Variants in ADGRL3 observed in about 807,000 individuals in gnomAD.
ADGRL3 encodes the protein adhesion G protein-coupled receptor L3.
Under a neutral mutation model 153.5 loss-of-function variants are expected in ADGRL3, and 62 were observed. The ratio of observed to expected loss-of-function variants is 0.40; its 90% CI spans 0.33 to 0.50. ADGRL3 has a LOEUF of 0.50. ADGRL3 is among the 20% of genes least tolerant of loss of function. The pLI is 0.47. For synonymous variants in ADGRL3, 710 were observed against 672.5 expected (o/e 1.06, Z -0.86); for missense variants, 1,641 against 1,859.4 (o/e 0.88, Z 2.16).
At chr4:61,843,540 T>C (rs569630725) in intron 9 of ADGRL3, among the ~76,000 whole-genome samples, 1 of 152,214 alleles carries the variant, frequency 6.6e-6, no homozygotes, top group African/African-American at 2.4e-5. Flanking sequence ...CAAAGTAGAC[T>C]CTATGAAGGC....
At chr4:61,822,826 G>T (rs1025086912) in intron 9 of ADGRL3, among the ~76,000 whole-genome samples, 4 of 152,076 alleles carry the variant, frequency 2.6e-5, no homozygotes, top group African/African-American at 9.7e-5. Context: ...TTCCATGCTG[G>T]CTGATGGAAT....
intron 9 of ADGRL3, among the ~76,000 whole-genome samples, chr4:61,840,247 T>C (rs971623551): frequency 6.6e-6 from 1 of 152,084 alleles, no homozygotes; most frequent in African/African-American, 2.4e-5. Context: ...GTCCGGCTAA[T>C]TTTTGTATTT....
chr4:61,772,607 C>T (rs183712839), intron 8 of ADGRL3, among the ~76,000 whole-genome samples: 1 of 152,052 alleles, frequency 6.6e-6, no homozygotes, highest in African/African-American at 2.4e-5. Context: ...TGTGATAGGG[C>T]AAAGTATGGG....
In ADGRL3 at chr4:62,076,564, T is replaced by C. The variant is rs1747202410; in HGVS notation, c.*5656T>C. The C allele has an allele frequency of 6.6e-6, 1 of 152,052 alleles. No homozygotes were observed. Among genetic ancestry groups the C allele is most frequent in the Non-Finnish European group, 1.5e-5 (1 of 67,926 alleles). 9.4% of individuals were successfully genotyped at this position (152,052 alleles called of 1,614,324 possible). Reference sequence around the variant, plus strand: ...CAGGAAAGAATAATGAAGTCATTTGTAGTGATAAAAATCTTATACACTACA... The same window carrying C: ...CAGGAAAGAATAATGAAGTCATTTGCAGTGATAAAAATCTTATACACTACA... On this transcript the variant is annotated 3_prime_UTR_variant, in exon 27 of 27. Transcript: ENST00000683033.
chr4:61,682,583 T>G (rs2095360446), intron 6 of ADGRL3, among the ~76,000 whole-genome samples: 1 of 113,446 alleles, frequency 8.8e-6, no homozygotes, highest in African/African-American at 3.7e-5. Context: ...TTTTTTTTTG[T>G]AGACCTAGGG....
intron 2 of ADGRL3, among the ~76,000 whole-genome samples, chr4:61,393,355 A>G (rs528837345): frequency 1.8e-4 from 27 of 152,292 alleles, no homozygotes; most frequent in African/African-American, 5.8e-4. Context: ...CCACTAAGTA[A>G]TCCAGAAGCT....
intron 19 of ADGRL3, among the ~76,000 whole-genome samples, chr4:61,994,695 T>C (rs2099115696): frequency 1.3e-5 from 2 of 152,116 alleles, no homozygotes; most frequent in South Asian, 4.1e-4. Flanking sequence ...TGTTCACTTC[T>C]AGTGCTCTCT....
At chr4:61,323,954 T>C (rs191332129) in intron 1 of ADGRL3, among the ~76,000 whole-genome samples, 2 of 152,312 alleles carry the variant, frequency 1.3e-5, no homozygotes, top group African/African-American at 4.8e-5. Context: ...AAGAGGTTTA[T>C]TGGACTTACA....
chr4:61,849,549 G>A (rs1489689864), intron 9 of ADGRL3, among the ~76,000 whole-genome samples: 7 of 152,014 alleles, frequency 4.6e-5, no homozygotes, highest in Non-Finnish European at 8.8e-5. Context: ...CCAAGCAGGC[G>A]TATCTTGACT....
chr4:61,903,302 G>T (rs1303987782), intron 11 of ADGRL3, among the ~76,000 whole-genome samples: 1 of 151,818 alleles, frequency 6.6e-6, no homozygotes, highest in East Asian at 1.9e-4. Context: ...ACTTCTTCTT[G>T]CCCTCCCTCA....
intron 1 of ADGRL3, among the ~76,000 whole-genome samples, chr4:61,339,668 T>TA (rs977376078): frequency 6.6e-6 from 1 of 152,178 alleles, no homozygotes; most frequent in Admixed American, 6.6e-5. Flanking sequence ...ATTACAATTT[T>TA]AAAAAAATTC....
intron 25 of ADGRL3, among the ~76,000 whole-genome samples, chr4:62,058,289 A>G (rs1418301512): frequency 6.6e-6 from 1 of 152,050 alleles, no homozygotes; most frequent in Non-Finnish European, 1.5e-5. Flanking sequence ...TTCTGCTTTT[A>G]AAGTTTAGAT....
intron 2 of ADGRL3, among the ~76,000 whole-genome samples, chr4:61,424,949 C>A (rs1038961940): frequency 6.6e-6 from 1 of 152,122 alleles, no homozygotes; most frequent in African/African-American, 2.4e-5. Flanking sequence ...AGCACAGTGG[C>A]AGGCACAAAG....
chr4:62,070,011 A>C, intron 26 of ADGRL3, 98 bp from the exon 27 acceptor site: 1 of 949,394 alleles, frequency 1.1e-6, no homozygotes, highest in Admixed American at 2.3e-5. Flanking sequence ...CAATTTATAC[A>C]TATTTCATAG....
At chr4:61,272,703 T>G (rs1236194001) in intron 1 of ADGRL3, among the ~76,000 whole-genome samples, 3 of 152,126 alleles carry the variant, frequency 2.0e-5, no homozygotes, top group Non-Finnish European at 4.4e-5. Context: ...AAAAGTAGCT[T>G]TTGAGTGACT....
At chr4:62,031,266 A>C (rs1721889850) in intron 22 of ADGRL3, among the ~76,000 whole-genome samples, 176 bp from the exon 23 acceptor site, 1 of 151,580 alleles carries the variant, frequency 6.6e-6, no homozygotes, top group South Asian at 2.1e-4. Context: ...ATATCTCCTC[A>C]AGCTTGAAAA....
chr4:61,914,878 A>T (rs910868525), intron 13 of ADGRL3, among the ~76,000 whole-genome samples: 1 of 152,072 alleles, frequency 6.6e-6, no homozygotes, highest in Non-Finnish European at 1.5e-5. Flanking sequence ...TCAAATGCCA[A>T]TGTGCCGTAT....
chr4:61,723,772 G>T (rs1160679807), intron 6 of ADGRL3, among the ~76,000 whole-genome samples: 1 of 152,096 alleles, frequency 6.6e-6, no homozygotes, highest in African/African-American at 2.4e-5. Context: ...AATGCTTGCC[G>T]GTCAGGCTTT....
intron 4 of ADGRL3, among the ~76,000 whole-genome samples, chr4:61,566,675 T>G (rs1322114169): frequency 6.6e-6 from 1 of 152,094 alleles, no homozygotes; most frequent in Non-Finnish European, 1.5e-5. Flanking sequence ...TAAATAAAGC[T>G]AAGAGCTATA....
Sources: gnomAD v4.1 joint callset for allele counts (sites outside exome capture counted in the v4.1 genomes callset) on GRCh38, gnomAD v4.1.1 for gene constraint, MANE v1.5 for transcripts, NCBI Gene and HGNC (gene_info 2026-07-23, HGNC 2026-07-21) for gene names.